The following PTK2 variants were observed in gnomAD, a reference collection of about 807,000 sequenced individuals.
The protein encoded by PTK2 is focal adhesion kinase 1.
A neutral mutation model predicts 150.1 loss-of-function variants in PTK2; 45 were observed. That is an observed-to-expected ratio of 0.30 (90% CI 0.24 to 0.38). PTK2 has a LOEUF of 0.38. PTK2 is among the 10% of genes least tolerant of loss of function. PTK2 has a pLI of 1.00. For synonymous variants in PTK2, 432 were observed against 449.2 expected, an observed-to-expected ratio of 0.96 and a Z score of 0.48; for missense variants, 919 against 1,307.3, an observed-to-expected ratio of 0.70 and a Z score of 4.58.
intron 5 of PTK2, among the ~76,000 whole-genome samples, chr8:140,854,864 G>A (rs2100131564): frequency 6.6e-6 from 1 of 152,082 alleles, no homozygotes; most frequent in African/African-American, 2.4e-5. Context: ...ATAAAATTAG[G>A]GGAGTTTATT....
chr8:140,772,554 C>T lies in PTK2; in HGVS notation c.1178-8264G>A, dbSNP rs955194217. Among the ~76,000 whole-genome samples, 8 of 152,184 alleles carry T rather than the reference C, an allele frequency of 5.3e-5. No individual in the cohort carries two copies. In the South Asian group the frequency reaches 1.2e-3, roughly 24 times the overall value. On this transcript the variant is annotated intron_variant, in intron 14 of 31. Transcript: ENST00000522684. ...TACTGGTATGAAATAATTTAGACTG[C>T]GGATAAGAGCATTTCTTCAGTATTA...
chr8:140,696,029 C>T (rs2100026327), intron 26 of PTK2, among the ~76,000 whole-genome samples: 1 of 152,066 alleles, frequency 6.6e-6, no homozygotes, highest in Non-Finnish European at 1.5e-5. Context: ...GCTATGATTC[C>T]TGTCCGGGAC....
At chr8:140,981,610 C>G (rs12334359) in intron 1 of PTK2, among the ~76,000 whole-genome samples, 8 of 152,152 alleles carry the variant, frequency 5.3e-5, no homozygotes, top group African/African-American at 1.9e-4. Context: ...GGTTTTACAT[C>G]GTATATGGTT....
At chr8:140,727,203 C>A (rs1274662292) in intron 22 of PTK2, among the ~76,000 whole-genome samples, 1 of 152,132 alleles carries the variant, frequency 6.6e-6, no homozygotes, top group African/African-American at 2.4e-5. Flanking sequence ...AAAGACAGAA[C>A]TATGATAGGG....
intron 14 of PTK2, chr8:140,771,285 C>T (rs1034159204): frequency 6.6e-6 from 1 of 152,238 alleles, no homozygotes; most frequent in African/African-American, 2.4e-5. Flanking sequence ...ATTACCTTAA[C>T]ATAAAAACTG....
At chr8:140,673,693 C>T (rs1036671527) in intron 29 of PTK2, among the ~76,000 whole-genome samples, 1 of 152,022 alleles carries the variant, frequency 6.6e-6, no homozygotes, top group Non-Finnish European at 1.5e-5. Flanking sequence ...TGGTGGGGAC[C>T]CAGGAGAGTC....
chr8:140,746,442 A>C (rs1010350870), intron 18 of PTK2: 2 of 230,172 alleles, frequency 8.7e-6, no homozygotes, highest in Non-Finnish European at 1.7e-5. Flanking sequence ...CTTCATCCTC[A>C]GATCACTGGG....
rs1484456679 is a variant in PTK2 at position 140,746,745 on chromosome 8, T to G, written c.1518+15A>C. Reference sequence around the variant, plus strand: ...AACGCTGAGTCCAGAAGGTAAGATTTGGGGATCACAGTACCTCTCCAAGTG... The same window carrying G: ...AACGCTGAGTCCAGAAGGTAAGATTGGGGGATCACAGTACCTCTCCAAGTG... On this transcript the variant is annotated intron_variant, in intron 18 of 31. Coordinates refer to ENST00000522684, the Ensembl canonical transcript of PTK2. The G allele has an allele frequency of 6.4e-7, 1 of 1,569,876 alleles. No homozygotes were observed. The highest frequency in any genetic ancestry group is 8.7e-7 in the Non-Finnish European group (1 of 1,149,546).
chr8:140,864,435 C>T (rs937311651), intron 4 of PTK2, 36 bp from the exon 5 acceptor site: 1 of 1,272,422 alleles, frequency 7.9e-7, no homozygotes, highest in South Asian at 1.3e-5. Context: ...AATTAGAAAT[C>T]AGTCATTTTC....
chr8:140,853,388 T>C (rs1198825431), intron 5 of PTK2, among the ~76,000 whole-genome samples: 2 of 126,064 alleles, frequency 1.6e-5, no homozygotes, highest in Admixed American at 9.5e-5. Context: ...CCCTGCCCTG[T>C]GTCCAAGTGT....
chr8:140,761,741 T>C (rs2154548313), intron 15 of PTK2, among the ~76,000 whole-genome samples: 2 of 152,182 alleles, frequency 1.3e-5, no homozygotes, highest in South Asian at 4.1e-4. Flanking sequence ...GTTTTGAAAG[T>C]TTAAGAGTTT....
chr8:140,701,915 T>C (rs566591855), intron 25 of PTK2, among the ~76,000 whole-genome samples: 1 of 151,924 alleles, frequency 6.6e-6, no homozygotes, highest in African/African-American at 2.4e-5. Flanking sequence ...TCACTTGAAG[T>C]CAGAAGTTCG....
At chr8:140,839,437 T>C (rs559713932) in intron 7 of PTK2, among the ~76,000 whole-genome samples, 2 of 152,284 alleles carry the variant, frequency 1.3e-5, no homozygotes, top group East Asian at 1.9e-4. Context: ...CTCAAGGTTA[T>C]TGTCAAATAC....
At chr8:140,701,515 C>T (rs2100030439) in intron 25 of PTK2, among the ~76,000 whole-genome samples, 1 of 152,140 alleles carries the variant, frequency 6.6e-6, no homozygotes, top group South Asian at 2.1e-4. Context: ...TATCTACCCA[C>T]CTCAGCCTCC....
At chr8:140,856,515 T>G (rs1245509339) in intron 5 of PTK2, among the ~76,000 whole-genome samples, 2 of 152,058 alleles carry the variant, frequency 1.3e-5, no homozygotes, top group African/African-American at 4.8e-5. Flanking sequence ...GAAAAGAAAC[T>G]TCACATAAAA....
At chr8:140,706,230 T>A (rs377060270) in intron 23 of PTK2, 25 bp from the exon 27 acceptor site, 147 of 1,548,404 alleles carry the variant, frequency 9.5e-5, no homozygotes, top group Non-Finnish European at 1.2e-4. Flanking sequence ...GAGCATCATA[T>A]GAATGAACCT....
chr8:140,848,486 T>C (rs1002931198), intron 5 of PTK2, among the ~76,000 whole-genome samples: 1 of 152,098 alleles, frequency 6.6e-6, no homozygotes, highest in African/African-American at 2.4e-5. Context: ...GTCATCAAAC[T>C]GGAGGGTGGG....
chr8:140,671,884 A>T lies in PTK2; in HGVS notation c.2709+2414T>A, dbSNP rs947942151. ...GAGGCGGAGCTTGCAGTGAGCCAAG[A>T]TCGCACCACTGCACTCCAGCCTGGG... On this transcript the variant is annotated intron_variant, in intron 29 of 31. Transcript: ENST00000522684. 2.9e-5 allele frequency among the ~76,000 whole-genome samples: 4 copies of T among 138,076 alleles called. No individual in the cohort carries two copies. In the Admixed American group the frequency reaches 3.1e-4, roughly 11 times the overall value. 90.6% of individuals were successfully genotyped at this position (138,076 alleles called of 152,430 possible). A position where few individuals can be genotyped will look rare whatever the true frequency, so the allele number is the denominator to read the frequency against.
chr8:140,805,680 C>T (rs1241152052), intron 10 of PTK2, among the ~76,000 whole-genome samples: 2 of 152,082 alleles, frequency 1.3e-5, no homozygotes, highest in African/African-American at 4.8e-5. Context: ...CTGGCAACTT[C>T]AGCTCCAAAC....
Sources: allele counts gnomAD v4.1 joint callset (sites outside exome capture counted in the v4.1 genomes callset), GRCh38; gene constraint gnomAD v4.1.1; transcripts MANE v1.5; gene names NCBI Gene and HGNC (gene_info 2026-07-23, HGNC 2026-07-21).